Variants in JARID2 observed in about 807,000 individuals in gnomAD.
JARID2 encodes protein Jumonji.
In JARID2, 21 loss-of-function variants were observed where a neutral mutation model predicts 125.6. The ratio of observed to expected loss-of-function variants is 0.17; its 90% CI spans 0.12 to 0.24. The LOEUF (loss-of-function observed/expected upper bound fraction) is 0.24, where lower values mean the gene tolerates loss of function less well. JARID2 is among the 10% of genes least tolerant of loss of function. The pLI is 1.00. For synonymous variants in JARID2, 736 were observed against 661.6 expected (o/e 1.11, Z -1.73); for missense variants, 1,303 against 1,639.6 (o/e 0.79, Z 3.55).
chr6:15,335,908 C>G (rs1762860712), intron 1 of JARID2, among the ~76,000 whole-genome samples: 1 of 151,996 alleles, frequency 6.6e-6, no homozygotes, highest in Admixed American at 6.5e-5. Context: ...CTGGGCAAAA[C>G]CCCATCTCTA....
At chr6:15,432,665 C>A (rs1438700278) in intron 3 of JARID2, among the ~76,000 whole-genome samples, 1 of 152,150 alleles carries the variant, frequency 6.6e-6, no homozygotes, top group Non-Finnish European at 1.5e-5. Flanking sequence ...TGGAATGTTA[C>A]AAAGTTATTT....
chr6:15,433,662 G>T (rs1223038451), intron 3 of JARID2, among the ~76,000 whole-genome samples: 1 of 152,066 alleles, frequency 6.6e-6, no homozygotes, highest in Non-Finnish European at 1.5e-5. Flanking sequence ...AATACATGGT[G>T]CTTCCCTTGG....
At chr6:15,484,503 C>T (rs548396856) in intron 5 of JARID2, among the ~76,000 whole-genome samples, 64 of 150,862 alleles carry the variant, frequency 4.2e-4, no homozygotes, top group Non-Finnish European at 8.1e-4. Flanking sequence ...TCTGATTGTG[C>T]AGTAACCTGA....
chr6:15,468,322 A>G (rs557206935), intron 4 of JARID2, among the ~76,000 whole-genome samples: 1 of 151,808 alleles, frequency 6.6e-6, no homozygotes, highest in African/African-American at 2.4e-5. Flanking sequence ...AAAAATCCTT[A>G]TTTGTTCTAT....
At chr6:15,392,767 C>T (rs186735074) in intron 2 of JARID2, among the ~76,000 whole-genome samples, 19 of 150,800 alleles carry the variant, frequency 1.3e-4, no homozygotes, top group Admixed American at 2.6e-4. Context: ...TCATTGTAAC[C>T]TCCACCTCCC....
intron 4 of JARID2, among the ~76,000 whole-genome samples, chr6:15,460,102 A>G (rs1768372834): frequency 6.6e-6 from 1 of 152,132 alleles, no homozygotes; most frequent in African/African-American, 2.4e-5. Flanking sequence ...AACGTTCTGC[A>G]TATGCTTGGT....
intron 1 of JARID2, among the ~76,000 whole-genome samples, chr6:15,286,877 G>A (rs1436643417): frequency 2.0e-5 from 3 of 146,550 alleles, no homozygotes; most frequent in African/African-American, 5.0e-5. Flanking sequence ...AAAAAAAAGC[G>A]CCTCTTAATA....
intron 2 of JARID2, among the ~76,000 whole-genome samples, chr6:15,386,923 G>A (rs571126522): frequency 6.6e-6 from 1 of 152,226 alleles, no homozygotes; most frequent in African/African-American, 2.4e-5. Flanking sequence ...GTTCTGAACT[G>A]TTGTGTAAAC....
intron 17 of JARID2, among the ~76,000 whole-genome samples, chr6:15,518,284 G>T (rs1351268113): frequency 6.6e-6 from 1 of 152,196 alleles, no homozygotes; most frequent in Non-Finnish European, 1.5e-5. Flanking sequence ...ATCATGGGTT[G>T]TACCTCTCAC....
chr6:15,438,663 G>A (rs1454923070), intron 3 of JARID2, among the ~76,000 whole-genome samples: 1 of 152,138 alleles, frequency 6.6e-6, no homozygotes, highest in African/African-American at 2.4e-5. Flanking sequence ...TTCCTGTGGT[G>A]GGGGCAGCAT....
intron 1 of JARID2, among the ~76,000 whole-genome samples, chr6:15,250,549 A>G (rs1759406873): frequency 6.6e-6 from 1 of 152,236 alleles, no homozygotes; most frequent in Admixed American, 6.5e-5. Flanking sequence ...CAGGGACAGT[A>G]TGGAAGGAAG....
intron 1 of JARID2, among the ~76,000 whole-genome samples, chr6:15,316,431 G>T (rs942396247): frequency 6.6e-6 from 1 of 152,198 alleles, no homozygotes; most frequent in Non-Finnish European, 1.5e-5. Context: ...GGCCAGTTAG[G>T]AGTGTTTCAT....
chr6:15,514,115 C>T (rs989216438), intron 16 of JARID2, among the ~76,000 whole-genome samples: 2 of 152,232 alleles, frequency 1.3e-5, no homozygotes, highest in African/African-American at 4.8e-5. Flanking sequence ...CCCCTGCTCA[C>T]CCCTGTTCCA....
chr6:15,282,038 C>T (rs1194786454), intron 1 of JARID2, among the ~76,000 whole-genome samples: 2 of 151,924 alleles, frequency 1.3e-5, no homozygotes, highest in South Asian at 2.1e-4. Context: ...TAACCTTTGC[C>T]TCCCGAGTTC....
chr6:15,409,139 A>G (rs1419067725), intron 2 of JARID2, among the ~76,000 whole-genome samples: 1 of 152,232 alleles, frequency 6.6e-6, no homozygotes, highest in Non-Finnish European at 1.5e-5. Flanking sequence ...AATACATAGA[A>G]CACTGTGTTC....
intron 1 of JARID2, among the ~76,000 whole-genome samples, chr6:15,261,340 A>T (rs538048804): frequency 8.7e-6 from 1 of 114,638 alleles, no homozygotes. Flanking sequence ...TTTGAGACGG[A>T]GTCTTGCTCT....
At chr6:15,434,289 A>G (rs1044671028) in intron 3 of JARID2, among the ~76,000 whole-genome samples, 1 of 152,102 alleles carries the variant, frequency 6.6e-6, no homozygotes, top group Admixed American at 6.5e-5. Context: ...TCAGTGACTT[A>G]TCTTTTAAAA....
At chr6:15,432,676 AC>A (rs1266590587) in intron 3 of JARID2, among the ~76,000 whole-genome samples, 1 of 152,220 alleles carries the variant, frequency 6.6e-6, no homozygotes, top group Non-Finnish European at 1.5e-5. Flanking sequence ...AAAGTTATTT[AC>A]TTGGGCTAGA....
intron 1 of JARID2, among the ~76,000 whole-genome samples, chr6:15,254,935 GGAAGGCC>G (rs1486237442): frequency 6.6e-6 from 1 of 151,656 alleles, no homozygotes; most frequent in African/African-American, 2.4e-5. Flanking sequence ...CCAGCTACTT[GGAAGGCC>G]GAGGCAGGAG....
Sources: allele counts gnomAD v4.1 joint callset (sites outside exome capture counted in the v4.1 genomes callset), GRCh38; gene constraint gnomAD v4.1.1; transcripts MANE v1.5; gene names NCBI Gene and HGNC (gene_info 2026-07-23, HGNC 2026-07-21).